Variants in P4HA1 observed in about 807,000 individuals in gnomAD.
P4HA1 encodes prolyl 4-hydroxylase subunit alpha-1.
A neutral mutation model predicts 72.8 loss-of-function variants in P4HA1; 24 were observed. The ratio of observed to expected loss-of-function variants is 0.33; its 90% CI spans 0.24 to 0.46. The LOEUF is 0.46. Among genes scored for constraint, P4HA1 ranks in the 20% least tolerant of loss-of-function variants. The pLI is 1.00. For synonymous variants in P4HA1, 201 were observed against 218.8 expected (o/e 0.92, Z 0.72); for missense variants, 446 against 640.6 (o/e 0.70, Z 3.28).
chr10:73,043,835 CAAGA>C, intron 9 of P4HA1: 1 of 1,339,636 alleles, frequency 7.5e-7, no homozygotes, highest in Admixed American at 1.8e-5. Flanking sequence ...ATTAGATTCC[CAAGA>C]AAGAAATGGT....
intron 9 of P4HA1, among the ~76,000 whole-genome samples, chr10:73,040,908 T>A (rs1840717031): frequency 6.6e-6 from 1 of 152,180 alleles, no homozygotes; most frequent in South Asian, 2.1e-4. Flanking sequence ...TTATTTTTTT[T>A]AAAGAAGGGG....
At chr10:73,093,907 T>TATATATATACACAC (rs1256283876) in intron 1 of P4HA1, among the ~76,000 whole-genome samples, 4 of 55,586 alleles carry the variant, frequency 7.2e-5, no homozygotes, top group African/African-American at 2.8e-4. Context: ...TATATATATA[T>TATATATATACACAC]ACACACACAC....
At chr10:73,026,141 T>G (rs1312463395) in intron 10 of P4HA1, among the ~76,000 whole-genome samples, 1 of 152,176 alleles carries the variant, frequency 6.6e-6, no homozygotes, top group Admixed American at 6.5e-5. Flanking sequence ...AGAGCCCACA[T>G]AGCCAAGACA....
chr10:73,086,079 G>A (rs775250047), intron 1 of P4HA1, among the ~76,000 whole-genome samples: 16 of 152,170 alleles, frequency 1.1e-4, no homozygotes, highest in Non-Finnish European at 2.2e-4. Flanking sequence ...ATACATTGCT[G>A]GTAAAAACGT....
chr10:73,053,255 A>C lies in P4HA1; in HGVS notation c.703+96T>G, dbSNP rs532473620. The C allele has an allele frequency of 9.8e-6, 12 of 1,227,662 alleles. No individual in the cohort carries two copies. In the South Asian group the frequency reaches 1.5e-4, roughly 15 times the overall value. The allele number at this position is 1,227,662 out of a possible 1,614,324, so 76.0% of individuals were successfully genotyped here. A position where few individuals can be genotyped will look rare whatever the true frequency, so the allele number is the denominator to read the frequency against. ...TAAAGCTCCTGACTTCTAAAAAGTA[A>C]GAAAATACCATATATAAATGAGGGA... On this transcript the variant is annotated intron_variant, in intron 6 of 14. Coordinates refer to ENST00000394890, the MANE Select transcript of P4HA1 (RefSeq NM_001017962.3).
At chr10:73,055,993 G>A (rs1392958659) in intron 5 of P4HA1, among the ~76,000 whole-genome samples, 1 of 152,182 alleles carries the variant, frequency 6.6e-6, no homozygotes, top group African/African-American at 2.4e-5. Context: ...AACATTAAAT[G>A]GCAAAACCTA....
chr10:73,064,415 T>C (rs903708693), intron 5 of P4HA1, among the ~76,000 whole-genome samples: 1 of 152,156 alleles, frequency 6.6e-6, no homozygotes, highest in Admixed American at 6.5e-5. Flanking sequence ...GTTGAGGCTG[T>C]AGTGAGCTGT....
intron 10 of P4HA1, among the ~76,000 whole-genome samples, chr10:73,019,448 G>GA (rs1468782876): frequency 6.6e-6 from 1 of 151,728 alleles, no homozygotes; most frequent in East Asian, 1.9e-4. Context: ...CACCTAGCTA[G>GA]AAAAAAATTC....
intron 1 of P4HA1, among the ~76,000 whole-genome samples, 186 bp from the exon 2 acceptor site, chr10:73,075,101 G>A (rs769107572): frequency 6.6e-6 from 1 of 152,052 alleles, no homozygotes; most frequent in Non-Finnish European, 1.5e-5. Flanking sequence ...GTACTACCAT[G>A]ACATTTCTTT....
rs572323021 is a variant in P4HA1, at chr10:73,038,848, G to A, written c.1148+6133C>T. Among the ~76,000 whole-genome samples the A allele has an allele frequency of 1.2e-3, 128 of 110,852 alleles. 5 individuals are homozygous for A. The highest frequency in any genetic ancestry group is 3.0e-4 in the Non-Finnish European group (18 of 59,588). 72.7% of individuals were successfully genotyped at this position (110,852 alleles called of 152,430 possible). On this transcript the variant is annotated intron_variant, in intron 9 of 14. Coordinates refer to ENST00000394890, the MANE Select transcript of P4HA1 (RefSeq NM_001017962.3). ...TCACCGTTTTAGCCGGGATGGTCTCGATCTCCTGACCTCGTGATCCGCCCG... is the reference window on the plus strand; with the variant it reads ...TCACCGTTTTAGCCGGGATGGTCTCAATCTCCTGACCTCGTGATCCGCCCG...
intron 1 of P4HA1, among the ~76,000 whole-genome samples, chr10:73,088,682 T>G (rs1159326221): frequency 6.6e-6 from 1 of 152,266 alleles, no homozygotes; most frequent in Non-Finnish European, 1.5e-5. Context: ...GACTGCCCAG[T>G]GTCCAACAGT....
At chr10:73,068,132 T>C (rs1426193310) in intron 5 of P4HA1, among the ~76,000 whole-genome samples, 1 of 152,200 alleles carries the variant, frequency 6.6e-6, no homozygotes, top group Non-Finnish European at 1.5e-5. Context: ...TTATACCATG[T>C]TTAGTTTTTA....
At chr10:73,024,384 G>A (rs1840214268) in intron 10 of P4HA1, among the ~76,000 whole-genome samples, 1 of 152,208 alleles carries the variant, frequency 6.6e-6, no homozygotes, top group South Asian at 2.1e-4. Flanking sequence ...ACCTGCTCCT[G>A]AATGACTACT....
chr10:73,039,981 C>T (rs1015395512), intron 9 of P4HA1, among the ~76,000 whole-genome samples: 4 of 151,206 alleles, frequency 2.6e-5, no homozygotes, highest in Admixed American at 2.0e-4. Context: ...CCCACCTAAG[C>T]CTCCTGGGTA....
chr10:73,080,297 C>T (rs1841794724), intron 1 of P4HA1, among the ~76,000 whole-genome samples: 1 of 152,198 alleles, frequency 6.6e-6, no homozygotes, highest in Admixed American at 6.5e-5. Flanking sequence ...ACCTATATGG[C>T]AGTGCTTCTC....
chr10:73,034,585 GTT>G (rs1302367660), intron 9 of P4HA1, among the ~76,000 whole-genome samples: 17 of 134,948 alleles, frequency 1.3e-4, no homozygotes, highest in Non-Finnish European at 2.1e-4. Flanking sequence ...TGTGTGTGTG[GTT>G]TTTTTTTTTT....
chr10:73,055,228 A>G (rs560644303), intron 5 of P4HA1, among the ~76,000 whole-genome samples: 3 of 152,280 alleles, frequency 2.0e-5, no homozygotes, highest in South Asian at 2.1e-4. Flanking sequence ...TTATTGAGAC[A>G]GAGTCTCACT....
rs1377494729 is a variant in P4HA1 at position 73,039,928 on chromosome 10, C to T, written c.1148+5053G>A. Reference sequence around the variant, plus strand: ...CCAGCCTGGAGTGCAGTGGTGCAATCTCAGCTCACTGCAATCTCTGCTTCC... The same window carrying T: ...CCAGCCTGGAGTGCAGTGGTGCAATTTCAGCTCACTGCAATCTCTGCTTCC... On this transcript the variant is annotated intron_variant, in intron 9 of 14. Coordinates refer to ENST00000394890, the MANE Select transcript of P4HA1 (RefSeq NM_001017962.3). 6.6e-5 allele frequency among the ~76,000 whole-genome samples: 9 copies of T among 135,886 alleles called. No homozygotes were observed. In the East Asian group the frequency reaches 2.2e-3, roughly 33 times the overall value. 89.1% of individuals were successfully genotyped at this position (135,886 alleles called of 152,430 possible).
At chr10:73,012,829 C>T (rs1042768878) in intron 12 of P4HA1, among the ~76,000 whole-genome samples, 11 of 152,076 alleles carry the variant, frequency 7.2e-5, no homozygotes, top group East Asian at 3.8e-4. Flanking sequence ...AGCCACGCTC[C>T]GTTATCCAGG....
Sources: gnomAD v4.1 joint callset for allele counts (sites outside exome capture counted in the v4.1 genomes callset) on GRCh38, gnomAD v4.1.1 for gene constraint, MANE v1.5 for transcripts, NCBI Gene and HGNC (gene_info 2026-07-23, HGNC 2026-07-21) for gene names.